BCL2L11: variants seen among roughly 807,000 people sequenced by gnomAD.
BCL2L11 encodes the protein BCL2 like 11, also known as bcl-2-like protein 11.
Under a neutral mutation model 20.6 loss-of-function variants are expected in BCL2L11, and 15 were observed. The observed-to-expected ratio is 0.73, with a 90% confidence interval of 0.49 to 1.12. The LOEUF (loss-of-function observed/expected upper bound fraction) is 1.12, where lower values mean the gene tolerates loss of function less well. Among genes scored for constraint, BCL2L11 ranks in the 50% most tolerant of loss-of-function variants. The probability of loss-of-function intolerance (pLI) is 0.00; values close to 1 mark genes in which losing one functional copy is unlikely to be tolerated. For missense variants in BCL2L11, 292 were observed against 260.9 expected, an observed-to-expected ratio of 1.12 and a Z score of -0.82; for synonymous variants, 108 against 92.8, an observed-to-expected ratio of 1.16 and a Z score of -0.94.
In BCL2L11 at chr2:111,166,721, G is replaced by A. The variant is rs2079038806; in HGVS notation, c.*2490G>A. The A allele has an allele frequency of 6.6e-6, 1 of 152,616 alleles. No homozygotes were observed. 9.5% of individuals were successfully genotyped at this position (152,616 alleles called of 1,614,324 possible). Reference sequence around the variant, plus strand: ...ACACACACAAAATAGTTTCATGAGTGATTCTTCAGATGCCCTTCCCAACTG... The same window carrying A: ...ACACACACAAAATAGTTTCATGAGTAATTCTTCAGATGCCCTTCCCAACTG... On this transcript the variant is annotated 3_prime_UTR_variant, in exon 4 of 4. Coordinates refer to ENST00000393256, the MANE Select transcript of BCL2L11 (RefSeq NM_138621.5).
intron 3 of BCL2L11, among the ~76,000 whole-genome samples, chr2:111,159,279 A>T (rs58294461): frequency 6.6e-6 from 1 of 152,220 alleles, no homozygotes; most frequent in Non-Finnish European, 1.5e-5. Context: ...CACTGTCTTC[A>T]GCTGCACTTT....
At chr2:111,148,264 T>C (rs1474125684) in intron 2 of BCL2L11, among the ~76,000 whole-genome samples, 2 of 152,140 alleles carry the variant, frequency 1.3e-5, no homozygotes, top group East Asian at 1.9e-4. Context: ...GCACACCTCC[T>C]TTAGGAGGAC....
At position 111,138,503 on chromosome 2, in the gene BCL2L11, C is replaced by T. The variant is rs919563982; in HGVS notation, c.395-11541C>T. ...CCTTGTTTGTGTGATTCAGTGTTAA[C>T]CGTTGTGTCTTTTGCATTGTTGAAG... On this transcript the variant is annotated intron_variant, in intron 2 of 3. Coordinates refer to ENST00000393256, the MANE Select transcript of BCL2L11 (RefSeq NM_138621.5). Among the ~76,000 whole-genome samples the T allele has an allele frequency of 8.7e-4, 132 of 152,308 alleles. 1 individual carries two copies. The highest frequency in any genetic ancestry group is 3.2e-3 in the African/African-American group (131 of 41,554).
chr2:111,129,771 C>T (rs2073515070), intron 2 of BCL2L11, among the ~76,000 whole-genome samples: 1 of 152,220 alleles, frequency 6.6e-6, no homozygotes, highest in Non-Finnish European at 1.5e-5. Flanking sequence ...CCACAGCCAC[C>T]TTTCTGTCTC....
At chr2:111,123,011 C>G (rs2071499388) in intron 1 of BCL2L11, 1 of 984,082 alleles carries the variant, frequency 1.0e-6, no homozygotes, top group South Asian at 4.7e-5. Flanking sequence ...GCCTGCGGAC[C>G]TAGTTGTAGA....
chr2:111,153,687 G>A (rs2077501446), intron 3 of BCL2L11: 3 of 1,445,162 alleles, frequency 2.1e-6, no homozygotes, highest in Non-Finnish European at 2.9e-6. Flanking sequence ...GTCTTTATTT[G>A]CTTAATGCTA....
At position 111,164,188 on chromosome 2, in the gene BCL2L11, G is replaced by A. The variant is rs572257286; in HGVS notation, c.554G>A (p.Arg185Gln). 30 of 1,612,430 alleles carry A rather than the reference G, an allele frequency of 1.9e-5. 2 individuals carry two copies. In the Middle Eastern group the frequency reaches 6.6e-4, roughly 36 times the overall value. ...AEDHPRMVILRLLRYIVRLVW... is the reference protein window; with the variant it reads ...AEDHPRMVILQLLRYIVRLVW... ...GACCACCCACGAATGGTTATCTTACGACTGTTACGTTACATTGTCCGCCTG... is the reference window on the plus strand; with the variant it reads ...GACCACCCACGAATGGTTATCTTACAACTGTTACGTTACATTGTCCGCCTG... Residue 185 changes from arginine (R) to glutamine (Q), a missense_variant, in exon 4 of 4, where the codon CGA becomes CAA. Arg to Gln is a conservative substitution (Grantham distance 43). Coordinates refer to ENST00000393256, the MANE Select transcript of BCL2L11 (RefSeq NM_138621.5).
At chr2:111,154,024 T>C in intron 3 of BCL2L11, 1 of 1,128,784 alleles carries the variant, frequency 8.9e-7, no homozygotes, top group Non-Finnish European at 1.1e-6. Context: ...ACTACTCCAG[T>C]GGATTTTGGT....
chr2:111,136,365 G>T (rs2074889954), intron 2 of BCL2L11, among the ~76,000 whole-genome samples: 1 of 152,186 alleles, frequency 6.6e-6, no homozygotes, highest in South Asian at 2.1e-4. Context: ...GTTTTCCTGG[G>T]CCTGCTTGCT....
chr2:111,155,369 T>C (rs1202455796), intron 3 of BCL2L11, among the ~76,000 whole-genome samples: 1 of 152,172 alleles, frequency 6.6e-6, no homozygotes, highest in Non-Finnish European at 1.5e-5. Flanking sequence ...CATGTACCGG[T>C]TCATCTGCTG....
Position 111,142,628 on chromosome 2 carries a change from GT to G in BCL2L11, c.395-7411del, listed in dbSNP as rs538332064. On this transcript the variant is annotated intron_variant, in intron 2 of 3. Coordinates refer to ENST00000393256, the MANE Select transcript of BCL2L11 (RefSeq NM_138621.5). ...TAAGGTGTAGCTTTTTAAGGATTCT[GT>G]TTTTGCTCTTATTTTTTACCTGTGT... is the stretch of plus-strand genomic sequence containing the variant. 1.3e-4 allele frequency among the ~76,000 whole-genome samples: 20 copies of G among 152,142 alleles called. No homozygotes were observed. In the East Asian group the frequency reaches 3.5e-3, roughly 26 times the overall value.
At chr2:111,156,861 T>G (rs1340867754) in intron 3 of BCL2L11, among the ~76,000 whole-genome samples, 1 of 152,208 alleles carries the variant, frequency 6.6e-6, no homozygotes, top group Non-Finnish European at 1.5e-5. Context: ...TAATTCTGTT[T>G]CCTCTCACTT....
At chr2:111,127,323 T>A (rs2150254368) in intron 2 of BCL2L11, among the ~76,000 whole-genome samples, 1 of 152,156 alleles carries the variant, frequency 6.6e-6, no homozygotes, top group South Asian at 2.1e-4. Flanking sequence ...AGTCAGGATA[T>A]GGAGGAATGC....
Position 111,123,491 on chromosome 2 carries a change from C to T in BCL2L11, c.-13-242C>T, listed in dbSNP as rs574256550. 4.7e-5 allele frequency: 46 copies of T among 985,468 alleles called. No homozygotes were observed. In the African/African-American group the frequency reaches 7.5e-4, roughly 16 times the overall value. 61.0% of individuals were successfully genotyped at this position (985,468 alleles called of 1,614,324 possible). The stretch of plus-strand genomic sequence containing the variant: ...CTCTGGAAACGCATGTGTGTGTGCA[C>T]CAGTTCCGCAAGCTGTTGACATTGT... On this transcript the variant is annotated intron_variant, in intron 1 of 3. Coordinates refer to ENST00000393256, the MANE Select transcript of BCL2L11 (RefSeq NM_138621.5).
At chr2:111,161,710 G>T (rs1295984515) in intron 3 of BCL2L11, among the ~76,000 whole-genome samples, 1 of 152,126 alleles carries the variant, frequency 6.6e-6, no homozygotes, top group Non-Finnish European at 1.5e-5. Flanking sequence ...TTCCATCTTG[G>T]ATGTGCTACC....
In BCL2L11 at chr2:111,122,795, C is replaced by T. The variant is rs1244411977; in HGVS notation, c.-13-938C>T. 1.0e-5 allele frequency: 10 copies of T among 985,168 alleles called. No homozygotes were observed. In the African/African-American group the frequency reaches 1.0e-4, roughly 10 times the overall value. 61.0% of individuals were successfully genotyped at this position (985,168 alleles called of 1,614,324 possible). On this transcript the variant is annotated intron_variant, in intron 1 of 3. Transcript: ENST00000393256. ...CGCCGGGGACTCTGAACCCGAGTCC[C>T]GGGCTTTGTCTCCTGCGCTGCTTTC...
chr2:111,122,704 G>C (rs1397807937), intron 1 of BCL2L11: 1 of 982,082 alleles, frequency 1.0e-6, no homozygotes. Context: ...GGCGCGGCGT[G>C]CGGAGCCCTC....
intron 2 of BCL2L11, among the ~76,000 whole-genome samples, chr2:111,137,191 C>G (rs941397463): frequency 6.6e-6 from 1 of 152,222 alleles, no homozygotes; most frequent in African/African-American, 2.4e-5. Context: ...GAATGCTGTA[C>G]ATTCTGATGC....
At position 111,164,248 on chromosome 2, in the gene BCL2L11, C is replaced by T. The variant is rs2078917751; in HGVS notation, c.*17C>T. On this transcript the variant is annotated 3_prime_UTR_variant, in exon 4 of 4. Transcript: ENST00000393256. ...ATGCATTGACAGGTTCTTTGCGGAG[C>T]CGAGATACCATGCAGACATTTTGCT... 6.4e-7 allele frequency: 1 copy of T among 1,556,632 alleles called. No homozygotes were observed. The highest frequency in any genetic ancestry group is 1.4e-5 in the African/African-American group (1 of 73,754).
Sources: allele counts gnomAD v4.1 joint callset (sites outside exome capture counted in the v4.1 genomes callset), GRCh38; gene constraint gnomAD v4.1.1; transcripts MANE v1.5; gene names NCBI Gene and HGNC (gene_info 2026-07-23, HGNC 2026-07-21).